Variants in HSD17B2 observed in about 807,000 individuals in gnomAD.
HSD17B2 encodes hydroxysteroid 17-beta dehydrogenase 2, also known as 17-beta-hydroxysteroid dehydrogenase type 2.
In HSD17B2, 32 loss-of-function variants were observed where a neutral mutation model predicts 26.9. That is an observed-to-expected ratio of 1.19 (90% confidence interval 0.90 to 1.60). The LOEUF (loss-of-function observed/expected upper bound fraction) is 1.60. Among genes scored for constraint, HSD17B2 ranks in the 40% most tolerant of loss-of-function variants. The pLI is 0.00. For missense variants in HSD17B2, 613 were observed against 468.6 expected, an observed-to-expected ratio of 1.31 and a Z score of -2.85; for synonymous variants, 246 against 186.7, an observed-to-expected ratio of 1.32 and a Z score of -2.59.
chr16:82,081,735 C>T (rs1004288362), intron 3 of HSD17B2, among the ~76,000 whole-genome samples: 3 of 152,152 alleles, frequency 2.0e-5, no homozygotes, highest in Non-Finnish European at 2.9e-5. Flanking sequence ...ATGGACACTG[C>T]CCCGCACTTC....
At chr16:82,074,856 T>C (rs141297587) in intron 3 of HSD17B2, among the ~76,000 whole-genome samples, 23 of 152,332 alleles carry the variant, frequency 1.5e-4, no homozygotes, top group African/African-American at 5.5e-4. Context: ...ATGGACCTAA[T>C]TGTTATTTAC....
intron 1 of HSD17B2, among the ~76,000 whole-genome samples, chr16:82,048,810 T>A (rs576246611): frequency 6.6e-6 from 1 of 152,314 alleles, no homozygotes; most frequent in African/African-American, 2.4e-5. Context: ...TATAGGGTAG[T>A]TGTATAAGAT....
At chr16:82,086,150 G>A (rs1322303368) in intron 3 of HSD17B2, among the ~76,000 whole-genome samples, 1 of 152,092 alleles carries the variant, frequency 6.6e-6, no homozygotes, top group East Asian at 1.9e-4. Flanking sequence ...TAGAAAAGAG[G>A]TGTTCAAACA....
At chr16:82,046,166 C>T (rs1913922416) in intron 1 of HSD17B2, among the ~76,000 whole-genome samples, 1 of 152,172 alleles carries the variant, frequency 6.6e-6, no homozygotes, top group Non-Finnish European at 1.5e-5. Context: ...ACTATGCACG[C>T]TCGAGATACA....
At chr16:82,041,851 C>A (rs549317444) in intron 1 of HSD17B2, among the ~76,000 whole-genome samples, 1 of 152,174 alleles carries the variant, frequency 6.6e-6, no homozygotes, top group Non-Finnish European at 1.5e-5. Context: ...TGAGAGAGGA[C>A]TGGCAAATCG....
At chr16:82,037,850 G>A (rs1225176239) in intron 1 of HSD17B2, among the ~76,000 whole-genome samples, 1 of 152,182 alleles carries the variant, frequency 6.6e-6, no homozygotes, top group Non-Finnish European at 1.5e-5. Flanking sequence ...AGATTCCTGG[G>A]CTGGGCAAAA....
chr16:82,059,383 T>C (rs1914367043), intron 1 of HSD17B2, among the ~76,000 whole-genome samples: 1 of 152,202 alleles, frequency 6.6e-6, no homozygotes, highest in Admixed American at 6.5e-5. Flanking sequence ...TTGTCTGTGG[T>C]TGAGAATCGC....
chr16:82,091,272 C>A (rs536134165), intron 4 of HSD17B2: 2 of 554,540 alleles, frequency 3.6e-6, no homozygotes, highest in South Asian at 4.0e-5. Context: ...AAAAGGAAAA[C>A]CAGGGAGAGG....
In HSD17B2 at chr16:82,048,238, A is replaced by G. The variant is rs901746666; in HGVS notation, c.265+12549A>G. Among the ~76,000 whole-genome samples the G allele has an allele frequency of 3.9e-5, 6 of 152,346 alleles. No homozygotes were observed. In the East Asian group the frequency reaches 7.7e-4, roughly 20 times the overall value. On this transcript the variant is annotated intron_variant, in intron 1 of 4. Transcript: ENST00000199936. Reference sequence around the variant, plus strand: ...GGGCACTGGGCGGTGGGGTCCACTCATACCTATAGGATAGGAGGTGGAAGG... The same window carrying G: ...GGGCACTGGGCGGTGGGGTCCACTCGTACCTATAGGATAGGAGGTGGAAGG...
rs1274316603 is a variant in HSD17B2, at chr16:82,035,509, A to C, written c.85A>C (p.Lys29Gln). 4 of 1,614,018 alleles carry C rather than the reference A, an allele frequency of 2.5e-6. No individual in the cohort carries two copies. The highest frequency in any genetic ancestry group is 2.5e-6 in the Non-Finnish European group (3 of 1,180,032). ...LCGTVFCKYK[K>Q]SSGQLWSWMV... ...TGGGACAGTATTTTGCAAATACAAG[A>C]AGAGCTCAGGGCAGCTGTGGAGCTG... Residue 29 changes from lysine to glutamine, a missense_variant, in exon 1 of 5, where the codon AAG (lysine) becomes CAG (glutamine). By Grantham distance (53) the Lys-to-Gln change is moderately conservative. Coordinates refer to ENST00000199936, the MANE Select transcript of HSD17B2 (RefSeq NM_002153.3).
intron 1 of HSD17B2, among the ~76,000 whole-genome samples, chr16:82,040,274 G>T (rs957297439): frequency 2.0e-5 from 3 of 152,148 alleles, no homozygotes; most frequent in African/African-American, 7.2e-5. Flanking sequence ...ATCATCTTGG[G>T]GTTTGGACTC....
At position 82,098,314 on chromosome 16, in the gene HSD17B2, A is replaced by T. The variant is rs1345494540; in HGVS notation, c.1042A>T (p.Ile348Phe). The T allele has an allele frequency of 1.2e-6, 2 of 1,614,190 alleles. No individual in the cohort carries two copies. The highest frequency in any genetic ancestry group is 2.2e-5 in the East Asian group (1 of 44,886). The change falls in exon 5 of 5, where the codon ATC becomes TTC. Residue 348 changes from isoleucine (I) to phenylalanine (F), a missense_variant. Coordinates refer to ENST00000199936, the MANE Select transcript of HSD17B2 (RefSeq NM_002153.3). ...YTPGKGAYLW[I>F]CLAHYLPIGI... ...GCCAGGGAAAGGCGCTTACTTGTGG[A>T]TCTGCCTTGCTCACTATTTGCCTAT...
At chr16:82,094,952 G>C (rs142152690) in intron 4 of HSD17B2, 1 of 152,222 alleles carries the variant, frequency 6.6e-6, no homozygotes, top group East Asian at 1.9e-4. Context: ...ATGGGATTTT[G>C]ATACAGGTCA....
At chr16:82,089,765 T>C (rs1904629965) in intron 3 of HSD17B2, among the ~76,000 whole-genome samples, 1 of 152,154 alleles carries the variant, frequency 6.6e-6, no homozygotes, top group Non-Finnish European at 1.5e-5. Flanking sequence ...CATCTTCATG[T>C]GGCCTTCTCC....
At chr16:82,045,856 C>A (rs147350815) in intron 1 of HSD17B2, among the ~76,000 whole-genome samples, 2 of 152,242 alleles carry the variant, frequency 1.3e-5, no homozygotes, top group Non-Finnish European at 2.9e-5. Flanking sequence ...ACCACTCTAG[C>A]CTCTTGTGTT....
chr16:82,059,295 C>T lies in HSD17B2; in HGVS notation c.266-8875C>T, dbSNP rs879899516. Among the ~76,000 whole-genome samples, 13 of 152,270 alleles carry T rather than the reference C, an allele frequency of 8.5e-5. No homozygotes were observed. The East Asian group carries it at 2.5e-3, about 29-fold the overall frequency. On this transcript the variant is annotated intron_variant, in intron 1 of 4. Transcript: ENST00000199936. ...TGGCTGGCAGATGTTGAGAAGCATC[C>T]CTGGCCTCAATAGTAGTCTGTGTTG...
Position 82,045,307 on chromosome 16 carries a change from T to G in HSD17B2, c.265+9618T>G, listed in dbSNP as rs536364862. ...AGTGAGCCCCCCATCCATCTTAAGC[T>G]TCCCTCTTAAGATATACAGTATCTA... On this transcript the variant is annotated intron_variant, in intron 1 of 4. Transcript: ENST00000199936. Among the ~76,000 whole-genome samples the G allele has an allele frequency of 9.2e-5, 14 of 152,158 alleles. No individual in the cohort carries two copies. The South Asian group carries it at 2.5e-3, about 27-fold the overall frequency.
At chr16:82,056,633 G>T (rs190442126) in intron 1 of HSD17B2, 2 of 152,318 alleles carry the variant, frequency 1.3e-5, no homozygotes, top group Non-Finnish European at 2.9e-5. Context: ...CTTAACCTTG[G>T]TGCTGATTAA....
chr16:82,035,421 G>A lies in HSD17B2; in HGVS notation c.-4G>A, dbSNP rs1396136840. The stretch of plus-strand genomic sequence containing the variant: ...GCACTTGAAGGTGCAGCAAGTCACT[G>A]AGAATGAGCACTTTCTTCTCGGACA... On this transcript the variant is annotated 5_prime_UTR_variant, in exon 1 of 5. Transcript: ENST00000199936. The A allele has an allele frequency of 3.7e-6, 6 of 1,608,080 alleles. No individual in the cohort carries two copies. Among genetic ancestry groups the A allele is most frequent in the Non-Finnish European group, 5.1e-6 (6 of 1,176,058 alleles).
Sources: allele counts gnomAD v4.1 joint callset (sites outside exome capture counted in the v4.1 genomes callset), GRCh38; gene constraint gnomAD v4.1.1; transcripts MANE v1.5; gene names NCBI Gene and HGNC (gene_info 2026-07-23, HGNC 2026-07-21).